The following TNS3 variants were observed in gnomAD, a reference collection of about 807,000 sequenced individuals.
TNS3 encodes the protein tensin-3.
A neutral mutation model predicts 140.9 loss-of-function variants in TNS3; 45 were observed. The ratio of observed to expected loss-of-function variants is 0.32; its 90% confidence interval spans 0.25 to 0.41. The LOEUF (loss-of-function observed/expected upper bound fraction) is 0.41. Among genes scored for constraint, TNS3 ranks in the 10% least tolerant of loss-of-function variants. TNS3 has a pLI of 1.00. For synonymous variants in TNS3, 815 were observed against 788.4 expected, an observed-to-expected ratio of 1.03 and a Z score of -0.56; for missense variants, 1,716 against 1,906.7, an observed-to-expected ratio of 0.90 and a Z score of 1.86.
chr7:47,399,019 G>A (rs12375046), intron 15 of TNS3, among the ~76,000 whole-genome samples: 7,729 of 143,530 alleles, frequency 0.054, 239 homozygotes, highest in Non-Finnish European at 0.061. Flanking sequence ...TAGCACTGCT[G>A]TACACCAACA....
At chr7:47,379,976 C>T (rs1791647423) in intron 16 of TNS3, among the ~76,000 whole-genome samples, 1 of 152,240 alleles carries the variant, frequency 6.6e-6, no homozygotes, top group Non-Finnish European at 1.5e-5. Context: ...AGAGCAGAAC[C>T]TTCCACACAG....
At chr7:47,404,816 G>A (rs951237217) in intron 13 of TNS3, among the ~76,000 whole-genome samples, 28 of 152,174 alleles carry the variant, frequency 1.8e-4, no homozygotes, top group African/African-American at 6.7e-4. Flanking sequence ...CCCAGGAGGT[G>A]GAGCTTGCGG....
chr7:47,349,565 G>T (rs560734577), intron 17 of TNS3, among the ~76,000 whole-genome samples: 1 of 152,362 alleles, frequency 6.6e-6, no homozygotes, highest in Admixed American at 6.5e-5. Context: ...CCAGGATGTG[G>T]CCTGTACAGA....
At chr7:47,325,339 G>A (rs1409254179) in intron 20 of TNS3, among the ~76,000 whole-genome samples, 1 of 152,128 alleles carries the variant, frequency 6.6e-6, no homozygotes, top group Non-Finnish European at 1.5e-5. Context: ...GTAAAACCCT[G>A]TTTAACTTTA....
At chr7:47,377,190 G>A (rs1791445122) in intron 16 of TNS3, among the ~76,000 whole-genome samples, 1 of 152,208 alleles carries the variant, frequency 6.6e-6, no homozygotes, top group Non-Finnish European at 1.5e-5. Context: ...GAGGCTTATT[G>A]GAATGATGTC....
At chr7:47,558,922 C>G (rs973141525) in intron 1 of TNS3, among the ~76,000 whole-genome samples, 1 of 152,100 alleles carries the variant, frequency 6.6e-6, no homozygotes, top group Non-Finnish European at 1.5e-5. Flanking sequence ...CAAAACTGGC[C>G]GCAAATCTCC....
intron 4 of TNS3, among the ~76,000 whole-genome samples, chr7:47,474,414 AAC>A (rs143567416): frequency 0.13 from 20,162 of 149,884 alleles, 1,888 homozygotes; most frequent in African/African-American, 0.26. Context: ...ACATACACAA[AAC>A]ACAACACAAA....
chr7:47,389,675 G>C (rs563158646), intron 16 of TNS3, among the ~76,000 whole-genome samples: 1 of 152,248 alleles, frequency 6.6e-6, no homozygotes, highest in African/African-American at 2.4e-5. Flanking sequence ...GGTTTTAACA[G>C]AGGGTACGCC....
intron 3 of TNS3, among the ~76,000 whole-genome samples, chr7:47,500,561 G>A (rs1185912550): frequency 2.6e-5 from 4 of 152,186 alleles, no homozygotes; most frequent in South Asian, 2.1e-4. Flanking sequence ...CCTCAACAGC[G>A]CTGACTGAGT....
intron 4 of TNS3, among the ~76,000 whole-genome samples, chr7:47,462,987 T>C (rs1796551364): frequency 6.6e-6 from 1 of 152,202 alleles, no homozygotes; most frequent in Non-Finnish European, 1.5e-5. Flanking sequence ...TGGACCCTAA[T>C]CAATGCCTAA....
chr7:47,530,264 G>A (rs1372635623), intron 1 of TNS3, among the ~76,000 whole-genome samples: 4 of 152,144 alleles, frequency 2.6e-5, no homozygotes, highest in African/African-American at 9.7e-5. Context: ...GCGATTACTG[G>A]CAGATTAGAT....
intron 2 of TNS3, among the ~76,000 whole-genome samples, chr7:47,516,028 G>A (rs60128409): frequency 0.022 from 3,416 of 152,258 alleles, 132 homozygotes; most frequent in African/African-American, 0.077. Flanking sequence ...CTACCAAAAC[G>A]TCACATCACT....
chr7:47,311,014 G>C (rs1285261622), intron 20 of TNS3, among the ~76,000 whole-genome samples: 1 of 124,818 alleles, frequency 8.0e-6, no homozygotes, highest in Non-Finnish European at 1.8e-5. Context: ...GTTGTGAATA[G>C]TTCGCAATAA....
intron 4 of TNS3, among the ~76,000 whole-genome samples, chr7:47,471,851 T>C (rs1384196709): frequency 1.3e-5 from 2 of 152,188 alleles, no homozygotes; most frequent in African/African-American, 2.4e-5. Context: ...GAGGAACAAC[T>C]AATCAATATG....
rs552808201 is a variant in TNS3 at position 47,567,360 on chromosome 7, G to T, written c.-265+14691C>A. Among the ~76,000 whole-genome samples the T allele has an allele frequency of 4.6e-5, 7 of 152,258 alleles. No homozygotes were observed. The South Asian group carries it at 1.5e-3, about 32-fold the overall frequency. On this transcript the variant is annotated intron_variant, in intron 1 of 30. Coordinates refer to ENST00000311160, the MANE Select transcript of TNS3 (RefSeq NM_022748.12). Reference sequence around the variant, plus strand: ...TACTAGTAATGAATACACAGACACAGAATTAAAAATACAAGGCCATTCACA... The same window carrying T: ...TACTAGTAATGAATACACAGACACATAATTAAAAATACAAGGCCATTCACA...
intron 3 of TNS3, among the ~76,000 whole-genome samples, chr7:47,496,181 A>G (rs1798000904): frequency 6.6e-6 from 1 of 152,184 alleles, no homozygotes; most frequent in Non-Finnish European, 1.5e-5. Context: ...TCAAAAACTG[A>G]ATGGTGGTCT....
chr7:47,298,884 A>T (rs1195855157), intron 23 of TNS3, among the ~76,000 whole-genome samples: 1 of 152,252 alleles, frequency 6.6e-6, no homozygotes, highest in Non-Finnish European at 1.5e-5. Context: ...CTGGGGATGA[A>T]GCAGGAGCTT....
intron 5 of TNS3, among the ~76,000 whole-genome samples, chr7:47,440,523 A>G (rs1206808316): frequency 6.6e-6 from 1 of 152,174 alleles, no homozygotes; most frequent in Non-Finnish European, 1.5e-5. Context: ...TGGTCATGTC[A>G]TGGCCAGCAG....
intron 1 of TNS3, among the ~76,000 whole-genome samples, chr7:47,532,339 G>A (rs1279962157): frequency 6.6e-6 from 1 of 152,156 alleles, no homozygotes; most frequent in African/African-American, 2.4e-5. Context: ...CCAGCCCATG[G>A]CCGCCCATGG....
Sources: allele counts gnomAD v4.1 joint callset (sites outside exome capture counted in the v4.1 genomes callset), GRCh38; gene constraint gnomAD v4.1.1; transcripts MANE v1.5; gene names NCBI Gene and HGNC (gene_info 2026-07-23, HGNC 2026-07-21).